Variants in ACIN1 observed in about 807,000 individuals in gnomAD.
ACIN1 encodes apoptotic chromatin condensation inducer 1.
In ACIN1, 16 loss-of-function variants were observed where a neutral mutation model predicts 146.6. The observed-to-expected ratio is 0.11, with a 90% CI of 0.07 to 0.17. The LOEUF (loss-of-function observed/expected upper bound fraction) is 0.17. ACIN1 is among the 10% of genes least tolerant of loss of function. ACIN1 has a pLI of 1.00. For missense variants in ACIN1, 1,357 were observed against 1,609.3 expected (o/e 0.84, Z 2.68); for synonymous variants, 569 against 582.7 (o/e 0.98, Z 0.34).
At chr14:23,094,650 A>C in intron 1 of ACIN1, 1 of 801,494 alleles carries the variant, frequency 1.2e-6, no homozygotes. Flanking sequence ...TTGTAGTGGG[A>C]TTTAACTCCT....
At chr14:23,071,364 T>C (rs1594758989) in intron 8 of ACIN1, 3 of 1,529,078 alleles carry the variant, frequency 2.0e-6, no homozygotes, top group East Asian at 2.5e-5. Context: ...GAAGGGGAGG[T>C]GGTGGTGGTG....
rs1321336987 is a variant in ACIN1 at position 23,062,535 on chromosome 14, A to C, written c.2884-12T>G. The C allele has an allele frequency of 6.2e-7, 1 of 1,612,996 alleles. No homozygotes were observed. Among genetic ancestry groups the C allele is most frequent in the African/African-American group, 1.3e-5 (1 of 74,870 alleles). On this transcript the variant is annotated splice_polypyrimidine_tract_variant and intron_variant, in intron 14 of 18. Coordinates refer to ENST00000605057, the MANE Select transcript of ACIN1 (RefSeq NM_001386863.1). The stretch of plus-strand genomic sequence containing the variant: ...GTGAAAGGACGGACCTGCCAATGAA[A>C]ATAGACTTTCAGGGTCTAGCAGAAG...
At chr14:23,071,276 A>T in intron 8 of ACIN1, 1 of 1,502,446 alleles carries the variant, frequency 6.7e-7, no homozygotes, top group Non-Finnish European at 8.9e-7. Context: ...CCAAGATCCC[A>T]CCACCTCCTC....
intron 4 of ACIN1, among the ~76,000 whole-genome samples, chr14:23,084,524 C>G (rs548190766): frequency 6.6e-6 from 1 of 151,512 alleles, no homozygotes; most frequent in East Asian, 2.0e-4. Flanking sequence ...GCAGAAGAAT[C>G]GCTTGAACCT....
At position 23,068,910 on chromosome 14, in the gene ACIN1, C is replaced by G. The variant is rs1237927744; in HGVS notation, c.2265+566G>C. 1 of 985,312 alleles carries G rather than the reference C, an allele frequency of 1.0e-6. No homozygotes were observed. Among genetic ancestry groups the G allele is most frequent in the Non-Finnish European group, 1.2e-6 (1 of 829,992 alleles). 61.0% of individuals were successfully genotyped at this position (985,312 alleles called of 1,614,324 possible). ...AGCCCCCTGAAGTGGGTGCAGGACA[C>G]AAGATAACATATGCCAAAAAAGGAG... On this transcript the variant is annotated intron_variant, in intron 9 of 18. Transcript: ENST00000605057. The surrounding 1 kb of genome is among the most constrained non-coding windows in gnomAD (Gnocchi z 4.3).
At chr14:23,059,588 G>A in intron 18 of ACIN1, 114 bp from the exon 19 acceptor site, 1 of 766,018 alleles carries the variant, frequency 1.3e-6, no homozygotes, top group African/African-American at 1.7e-5. Flanking sequence ...AAACAGGAAG[G>A]GGTTGGGGGC....
intron 4 of ACIN1, among the ~76,000 whole-genome samples, chr14:23,082,318 A>G (rs2047964606): frequency 6.6e-6 from 1 of 152,236 alleles, no homozygotes; most frequent in Non-Finnish European, 1.5e-5. Flanking sequence ...AAACTCAAGA[A>G]ATAAATACTT....
chr14:23,095,066 G>T lies in ACIN1; in HGVS notation c.47C>A (p.Ala16Glu). 2 of 1,614,062 alleles carry T rather than the reference G, an allele frequency of 1.2e-6. No individual in the cohort carries two copies. Among genetic ancestry groups the T allele is most frequent in the Non-Finnish European group, 8.5e-7 (1 of 1,180,050 alleles). Residue 16 changes from alanine (A) to glutamate (E), a missense_variant, in exon 1 of 19, where the codon GCG (alanine) becomes GAG (glutamate). Physicochemically the swap from Ala to Glu is moderately radical, Grantham distance 107. Transcript: ENST00000605057. The stretch of plus-strand genomic sequence containing the variant: ...GGCCTTCAGGTCGGTCACCCGCAGC[G>T]CCTGAAGAGGCTTCCCGTCCAGAGT... ...EVTLDGKPLQ[A>E]LRVTDLKAAL...
Position 23,068,929 on chromosome 14 carries a change from A to T in ACIN1, c.2265+547T>A. 1.0e-6 allele frequency: 1 copy of T among 985,486 alleles called. No homozygotes were observed. Among genetic ancestry groups the T allele is most frequent in the South Asian group, 4.7e-5 (1 of 21,286 alleles). 61.0% of individuals were successfully genotyped at this position (985,486 alleles called of 1,614,324 possible). The stretch of plus-strand genomic sequence containing the variant: ...AGGACACAAGATAACATATGCCAAA[A>T]AAGGAGGTAGAGGGGTCACAGGTAA... On this transcript the variant is annotated intron_variant, in intron 9 of 18. Coordinates refer to ENST00000605057, the MANE Select transcript of ACIN1 (RefSeq NM_001386863.1). The surrounding 1 kb of genome is among the most constrained non-coding windows in gnomAD (Gnocchi z 4.3).
At chr14:23,085,089 A>G (rs1269803461) in intron 4 of ACIN1, among the ~76,000 whole-genome samples, 1 of 152,010 alleles carries the variant, frequency 6.6e-6, no homozygotes, top group Admixed American at 6.5e-5. Flanking sequence ...CACGCCTGTA[A>G]TCCCAGCACT....
At chr14:23,061,043 T>C in intron 18 of ACIN1, 41 bp downstream of exon 18, 1 of 1,588,188 alleles carries the variant, frequency 6.3e-7, no homozygotes, top group Non-Finnish European at 8.6e-7. Context: ...ACCTCAAGCC[T>C]CAGTGCCACT....
intron 8 of ACIN1, among the ~76,000 whole-genome samples, chr14:23,072,568 T>A (rs964470784): frequency 6.6e-6 from 1 of 152,236 alleles, no homozygotes; most frequent in Non-Finnish European, 1.5e-5. Flanking sequence ...AAGTGCTCAG[T>A]AGATACTCAA....
At chr14:23,076,144 G>A (rs1049346208) in intron 8 of ACIN1, among the ~76,000 whole-genome samples, 3 of 152,164 alleles carry the variant, frequency 2.0e-5, no homozygotes, top group Admixed American at 1.3e-4. Context: ...TTGTGGTAGG[G>A]CCTCCAGAAA....
chr14:23,078,292 A>T, intron 7 of ACIN1, 26 bp from the exon 8 acceptor site: 3 of 1,602,714 alleles, frequency 1.9e-6, no homozygotes, highest in Non-Finnish European at 2.6e-6. Context: ...AAAAACGAAC[A>T]GAGCAAAACA....
At chr14:23,070,325 C>T (rs749109207) in intron 8 of ACIN1, among the ~76,000 whole-genome samples, 5 of 152,114 alleles carry the variant, frequency 3.3e-5, no homozygotes, top group Non-Finnish European at 7.4e-5. Flanking sequence ...AGTATGAGAG[C>T]TCAGAGATTA....
At chr14:23,066,030 G>A in intron 9 of ACIN1, 22 bp from the exon 10 acceptor site, 1 of 1,605,800 alleles carries the variant, frequency 6.2e-7, no homozygotes, top group Non-Finnish European at 8.5e-7. Flanking sequence ...AGAAAAAGGG[G>A]AAAAAAAAGA....
At chr14:23,069,654 A>G in intron 8 of ACIN1, 37 bp from the exon 9 acceptor site, 1 of 1,539,564 alleles carries the variant, frequency 6.5e-7, no homozygotes, top group East Asian at 2.3e-5. Context: ...GGGGGCGGGC[A>G]GAAAAGAACC....
chr14:23,074,602 G>C (rs1402398215), intron 8 of ACIN1, among the ~76,000 whole-genome samples: 1 of 152,014 alleles, frequency 6.6e-6, no homozygotes, highest in Non-Finnish European at 1.5e-5. Context: ...CCTTGAAACT[G>C]TCCCCAAAAT....
chr14:23,061,064 G>A lies in ACIN1; in HGVS notation c.3525+20C>T, dbSNP rs781534072. ...AGCCTCAGTGCCACTAGGGAGCAGG[G>A]CACGAAGAAGAGCACTCACCTGGCT... On this transcript the variant is annotated intron_variant, in intron 18 of 18. Coordinates refer to ENST00000605057, the MANE Select transcript of ACIN1 (RefSeq NM_001386863.1). 6.2e-6 allele frequency: 10 copies of A among 1,610,512 alleles called. No individual in the cohort carries two copies. Among genetic ancestry groups the A allele is most frequent in the Non-Finnish European group, 8.5e-6 (10 of 1,177,512 alleles).
Sources: gnomAD v4.1 joint callset for allele counts (sites outside exome capture counted in the v4.1 genomes callset) on GRCh38, gnomAD v4.1.1 for gene constraint, Gnocchi (gnomAD v3.1) non-coding constraint, MANE v1.5 for transcripts, NCBI Gene and HGNC (gene_info 2026-07-23, HGNC 2026-07-21) for gene names.